FBXO11: variants seen among roughly 807,000 people sequenced by gnomAD.
FBXO11 encodes the protein F-box protein 11, also known as F-box only protein 11.
Under a neutral mutation model 117.0 loss-of-function variants are expected in FBXO11, and 13 were observed. That is an observed-to-expected ratio of 0.11 (90% CI 0.07 to 0.18). The LOEUF (loss-of-function observed/expected upper bound fraction) is 0.18, where lower values mean the gene tolerates loss of function less well. Ranked by LOEUF, FBXO11 falls within the 10% of genes least tolerant of loss-of-function variation. The pLI is 1.00. For missense variants in FBXO11, 767 were observed against 1,164.4 expected (o/e 0.66, Z 4.97); for synonymous variants, 490 against 380.5 (o/e 1.29, Z -3.35).
Position 47,818,599 on chromosome 2 carries a change from C to T in FBXO11, c.2006+180G>A, listed in dbSNP as rs970022018. On this transcript the variant is annotated intron_variant, in intron 16 of 22. Coordinates refer to ENST00000403359, the MANE Select transcript of FBXO11 (RefSeq NM_001190274.2). ...TGGCACATGTGCCAGTGGCTTCTGT[C>T]CTCACCTAGACCAAGGAAAGCTACA... is the stretch of plus-strand genomic sequence containing the variant. 7.1e-6 allele frequency: 4 copies of T among 565,132 alleles called. No homozygotes were observed. The East Asian group carries it at 1.2e-4, about 16-fold the overall frequency. 35.0% of individuals were successfully genotyped at this position (565,132 alleles called of 1,614,324 possible). A position where few individuals can be genotyped will look rare whatever the true frequency, so the allele number is the denominator to read the frequency against.
In FBXO11 at chr2:47,813,277, A is replaced by G; in HGVS notation, c.2184T>C (p.His728=). ...SNPTLRRNKI[H]DGRDGGICIF... is the part of the protein sequence containing the mutation. ...TACAGATGCCACCATCTCTTCCATC[A>G]TGGATTTTATTTCTTCTTAGTGTAG... is the stretch of plus-strand genomic sequence containing the variant. Residue 728 remains histidine (H), a synonymous_variant, in exon 18 of 23, where the codon CAT becomes CAC. Transcript: ENST00000403359. The G allele has an allele frequency of 6.2e-7, 1 of 1,613,424 alleles. No individual in the cohort carries two copies. The highest frequency in any genetic ancestry group is 2.2e-5 in the East Asian group (1 of 44,794).
At chr2:47,833,880 C>CCAGT (rs1315737279) in intron 7 of FBXO11, among the ~76,000 whole-genome samples, 4 of 151,554 alleles carry the variant, frequency 2.6e-5, no homozygotes, top group African/African-American at 9.7e-5. Context: ...GTTGGCCAGG[C>CCAGT]CAGTCTTTAA....
rs142271067 is a variant in FBXO11, at chr2:47,905,400, GCCCCCGCCCGCCCGCC to G, written c.232+73_232+88del. 8,489 of 1,069,640 alleles carry G rather than the reference GCCCCCGCCCGCCCGCC, an allele frequency of 7.9e-3. 474 individuals carry two copies. In the African/African-American group the frequency reaches 0.16, roughly 20 times the overall value. The allele number at this position is 1,069,640 out of a possible 1,614,324, so 66.3% of individuals were successfully genotyped here. On this transcript the variant is annotated intron_variant, in intron 1 of 22. Coordinates refer to ENST00000403359, the MANE Select transcript of FBXO11 (RefSeq NM_001190274.2). ...CTCCCACCCCCAGGGCGCGCAGGCC[GCCCCCGCCCGCCCGCC>G]CGCCCGCCCGCCCCGGCCTCCCTTC...
intron 11 of FBXO11, among the ~76,000 whole-genome samples, chr2:47,830,852 C>G (rs1015570557): frequency 6.6e-6 from 1 of 152,046 alleles, no homozygotes; most frequent in African/African-American, 2.4e-5. Flanking sequence ...CATGCAAAGG[C>G]ACACATCTTA....
chr2:47,851,936 C>T (rs891202566), intron 1 of FBXO11, among the ~76,000 whole-genome samples: 38 of 151,694 alleles, frequency 2.5e-4, no homozygotes, highest in Admixed American at 1.1e-3. Flanking sequence ...CAAATTTGTG[C>T]GTCTATCTTG....
intron 11 of FBXO11, among the ~76,000 whole-genome samples, chr2:47,827,275 T>C (rs552977217): frequency 6.6e-6 from 1 of 152,296 alleles, no homozygotes; most frequent in South Asian, 2.1e-4. Flanking sequence ...TTATTATGGA[T>C]TCAGTTAATG....
chr2:47,846,699 C>G (rs1436660992), intron 1 of FBXO11, among the ~76,000 whole-genome samples: 3 of 151,954 alleles, frequency 2.0e-5, no homozygotes, highest in Non-Finnish European at 1.5e-5. Context: ...AAAAATAAAA[C>G]AGTGAAATTT....
chr2:47,899,926 T>C lies in FBXO11; in HGVS notation c.232+5563A>G, dbSNP rs148053235. On this transcript the variant is annotated intron_variant, in intron 1 of 22. Coordinates refer to ENST00000403359, the MANE Select transcript of FBXO11 (RefSeq NM_001190274.2). Reference sequence around the variant, plus strand: ...TAGCTCATTACTGTAAACTGGTTATTTTCAAAGTTAAAACAAACGGTGGGG... The same window carrying C: ...TAGCTCATTACTGTAAACTGGTTATCTTCAAAGTTAAAACAAACGGTGGGG... 1.8e-3 allele frequency among the ~76,000 whole-genome samples: 277 copies of C among 151,734 alleles called. 4 individuals carry two copies. The East Asian group carries it at 0.026, about 14-fold the overall frequency.
chr2:47,825,693 C>A (rs900904286), intron 11 of FBXO11, among the ~76,000 whole-genome samples: 1 of 151,128 alleles, frequency 6.6e-6, no homozygotes, highest in Non-Finnish European at 1.5e-5. Flanking sequence ...CCTCCCCACT[C>A]AACCTCCCAA....
At chr2:47,826,630 T>C (rs982029826) in intron 11 of FBXO11, among the ~76,000 whole-genome samples, 19 of 152,212 alleles carry the variant, frequency 1.2e-4, no homozygotes, top group Admixed American at 1.3e-4. Context: ...TTTGGTTAGA[T>C]TAGTGTGCTA....
chr2:47,893,166 T>TTAAA (rs369987358), intron 1 of FBXO11, among the ~76,000 whole-genome samples: 20 of 141,584 alleles, frequency 1.4e-4, no homozygotes, highest in South Asian at 2.2e-4. Context: ...AAAAAATAAA[T>TTAAA]TAAATAAATA....
chr2:47,884,341 C>T (rs1360415082), intron 1 of FBXO11, among the ~76,000 whole-genome samples: 2 of 152,314 alleles, frequency 1.3e-5, no homozygotes, highest in South Asian at 2.1e-4. Flanking sequence ...AGGTACTTCG[C>T]CACCAACTCC....
At chr2:47,898,657 A>G (rs1429685844) in intron 1 of FBXO11, among the ~76,000 whole-genome samples, 1 of 152,234 alleles carries the variant, frequency 6.6e-6, no homozygotes, top group African/African-American at 2.4e-5. Context: ...AGGTAAAATT[A>G]TAATCAGAAG....
intron 1 of FBXO11, among the ~76,000 whole-genome samples, chr2:47,881,824 G>A (rs1217756599): frequency 1.3e-5 from 2 of 151,862 alleles, no homozygotes; most frequent in African/African-American, 2.4e-5. Context: ...ATCTCTCACT[G>A]CAACCATCTA....
chr2:47,873,275 G>C (rs963182311), intron 1 of FBXO11, among the ~76,000 whole-genome samples: 4 of 152,162 alleles, frequency 2.6e-5, no homozygotes, highest in Non-Finnish European at 4.4e-5. Flanking sequence ...TCCCTTATCT[G>C]TATCTGGTAT....
intron 16 of FBXO11, among the ~76,000 whole-genome samples, chr2:47,816,482 G>C (rs901049370): frequency 6.6e-6 from 1 of 152,118 alleles, no homozygotes; most frequent in Non-Finnish European, 1.5e-5. Flanking sequence ...CTCCTCCCAG[G>C]AATCATGAAT....
intron 1 of FBXO11, among the ~76,000 whole-genome samples, chr2:47,888,260 G>C (rs888763939): frequency 1.9e-4 from 29 of 152,062 alleles, no homozygotes; most frequent in African/African-American, 6.5e-4. Flanking sequence ...AACCAGAACA[G>C]GTAACATTAT....
intron 1 of FBXO11, chr2:47,905,201 C>A (rs559062015): frequency 4.6e-6 from 1 of 215,658 alleles, no homozygotes; most frequent in Non-Finnish European, 9.0e-6. Context: ...TGTGAGCGAG[C>A]GGAGAAGCCA....
At chr2:47,868,943 C>T (rs575062774) in intron 1 of FBXO11, among the ~76,000 whole-genome samples, 94 of 152,202 alleles carry the variant, frequency 6.2e-4, no homozygotes, top group Non-Finnish European at 9.6e-4. Flanking sequence ...TCATGGAATT[C>T]GCTGGTCTTA....
Sources: gnomAD v4.1 joint callset for allele counts (sites outside exome capture counted in the v4.1 genomes callset) on GRCh38, gnomAD v4.1.1 for gene constraint, MANE v1.5 for transcripts, NCBI Gene and HGNC (gene_info 2026-07-23, HGNC 2026-07-21) for gene names.